PDE4D: variants seen among roughly 807,000 people sequenced by gnomAD.
PDE4D encodes the protein 3',5'-cyclic-AMP phosphodiesterase 4D.
Under a neutral mutation model 87.4 loss-of-function variants are expected in PDE4D, and 24 were observed. That is an observed-to-expected ratio of 0.27 (90% CI 0.20 to 0.39). PDE4D has a LOEUF of 0.39. Among genes scored for constraint, PDE4D ranks in the 10% least tolerant of loss-of-function variants. The pLI, the probability that PDE4D is intolerant of heterozygous loss-of-function variation, is 1.00. For missense variants in PDE4D, 714 were observed against 1,041.0 expected, an observed-to-expected ratio of 0.69 and a Z score of 4.32; for synonymous variants, 384 against 383.2, an observed-to-expected ratio of 1.00 and a Z score of -0.02.
At chr5:59,762,536 G>A (rs377444349) in intron 1 of PDE4D, among the ~76,000 whole-genome samples, 14 of 103,336 alleles carry the variant, frequency 1.4e-4, no homozygotes, top group African/African-American at 5.3e-4. Flanking sequence ...GGGTACACAT[G>A]TGTATATGTG....
At chr5:58,999,584 G>A in intron 6 of PDE4D, 1 of 1,195,380 alleles carries the variant, frequency 8.4e-7, no homozygotes, top group Non-Finnish European at 1.1e-6. Flanking sequence ...TATATAGTAA[G>A]CTCTAAAATG....
At chr5:60,430,282 C>T (rs202224252) in intron 1 of PDE4D, 90 of 487,796 alleles carry the variant, frequency 1.8e-4, no homozygotes, top group Middle Eastern at 1.7e-3. Context: ...GCCATTCTGC[C>T]GGGCCCAAGT....
intron 2 of PDE4D, among the ~76,000 whole-genome samples, chr5:60,120,091 G>A (rs1410499055): frequency 6.6e-6 from 1 of 152,112 alleles, no homozygotes; most frequent in Non-Finnish European, 1.5e-5. Flanking sequence ...ATCTTCTTAT[G>A]GAAAAAAGCA....
At chr5:60,166,367 T>A (rs777915875) in intron 2 of PDE4D, among the ~76,000 whole-genome samples, 2 of 152,218 alleles carry the variant, frequency 1.3e-5, no homozygotes, top group East Asian at 3.8e-4. Flanking sequence ...TTTAACAGGT[T>A]ATTTTAAGCT....
intron 1 of PDE4D, among the ~76,000 whole-genome samples, chr5:59,891,240 A>T (rs1264176341): frequency 6.6e-6 from 1 of 152,228 alleles, no homozygotes; most frequent in Non-Finnish European, 1.5e-5. Flanking sequence ...CCTCTATTCC[A>T]ATTAGCTTAT....
intron 2 of PDE4D, among the ~76,000 whole-genome samples, chr5:60,148,882 A>G (rs1781249674): frequency 6.6e-6 from 1 of 152,158 alleles, no homozygotes; most frequent in African/African-American, 2.4e-5. Context: ...GGGAAACTCA[A>G]ATGCTTATTT....
intron 1 of PDE4D, among the ~76,000 whole-genome samples, chr5:60,377,038 G>T (rs1364226265): frequency 6.6e-6 from 1 of 152,206 alleles, no homozygotes; most frequent in Non-Finnish European, 1.5e-5. Flanking sequence ...CAAGGACAGT[G>T]TCTATTTTGT....
chr5:60,215,446 T>C (rs1743754785), intron 1 of PDE4D, among the ~76,000 whole-genome samples: 1 of 152,142 alleles, frequency 6.6e-6, no homozygotes, highest in African/African-American at 2.4e-5. Context: ...TATATGAATC[T>C]ATCTCTTACC....
chr5:59,422,938 T>C (rs1038103046), intron 1 of PDE4D, among the ~76,000 whole-genome samples: 1 of 152,218 alleles, frequency 6.6e-6, no homozygotes, highest in African/African-American at 2.4e-5. Flanking sequence ...TTTCAATGTT[T>C]TAAAAACCTC....
intron 1 of PDE4D, among the ~76,000 whole-genome samples, chr5:59,798,638 C>A (rs896274734): frequency 5.9e-5 from 9 of 152,190 alleles, no homozygotes; most frequent in Non-Finnish European, 1.2e-4. Context: ...ATATAGAAAT[C>A]ACTGGGTAAC....
Position 58,991,857 on chromosome 5 carries a change from G to C in PDE4D, c.1163C>G (p.Thr388Ser), listed in dbSNP as rs1262205626. The C allele has an allele frequency of 6.5e-7, 1 of 1,546,486 alleles. No homozygotes were observed. The highest frequency in any genetic ancestry group is 2.0e-5 in the Admixed American group (1 of 50,506). The change falls in exon 8 of 15, where the codon ACT becomes AGT. Residue 388 changes from threonine (T) to serine (S), a missense_variant. Coordinates refer to ENST00000340635, the MANE Select transcript of PDE4D (RefSeq NM_001104631.2). ...NSSIPRFGVK[T>S]EQEDVLAKEL... is the part of the protein sequence containing the mutation. ...CTTGGCAAGGACATCTTCTTGTTCA[G>C]TTTTAACTCCAAACCTTGGGATACT...
chr5:59,802,093 A>G (rs1356856201), intron 1 of PDE4D, among the ~76,000 whole-genome samples: 1 of 152,186 alleles, frequency 6.6e-6, no homozygotes, highest in African/African-American at 2.4e-5. Flanking sequence ...GAAAAAAAGT[A>G]CTTAAGAAAC....
intron 2 of PDE4D, among the ~76,000 whole-genome samples, chr5:60,068,782 TG>T (rs1666524569): frequency 6.6e-6 from 1 of 152,044 alleles, no homozygotes; most frequent in African/African-American, 2.4e-5. Flanking sequence ...TTTAATTTTT[TG>T]TAGAGACAAG....
intron 9 of PDE4D, among the ~76,000 whole-genome samples, chr5:58,990,191 TTCTATGTCCCATTATCATGGA>T (rs1747559007): frequency 6.6e-6 from 1 of 152,114 alleles, no homozygotes; most frequent in African/African-American, 2.4e-5. Flanking sequence ...CTCTAAAAGT[TTCTATGTCCCATTATCATGGA>T]GGCAGCTCCA....
chr5:59,756,318 C>T (rs1418846505), intron 1 of PDE4D, among the ~76,000 whole-genome samples: 7 of 151,766 alleles, frequency 4.6e-5, no homozygotes, highest in Non-Finnish European at 1.0e-4. Flanking sequence ...TCAGTAATTT[C>T]CCAAGAATCA....
intron 1 of PDE4D, among the ~76,000 whole-genome samples, chr5:59,615,837 A>G (rs1829592869): frequency 6.6e-6 from 1 of 152,166 alleles, no homozygotes; most frequent in South Asian, 2.1e-4. Flanking sequence ...CCAAAAGAGG[A>G]CTATCTTACA....
chr5:60,073,344 C>A (rs2152897689), intron 2 of PDE4D, among the ~76,000 whole-genome samples: 1 of 152,128 alleles, frequency 6.6e-6, no homozygotes, highest in Admixed American at 6.5e-5. Flanking sequence ...CCAACCTTGC[C>A]TCCCATGGGT....
At chr5:60,048,656 T>C (rs2152876372) in intron 2 of PDE4D, among the ~76,000 whole-genome samples, 1 of 152,196 alleles carries the variant, frequency 6.6e-6, no homozygotes, top group South Asian at 2.1e-4. Flanking sequence ...AAATTCTGGG[T>C]TGAAAATTCT....
At chr5:59,556,111 A>G (rs1818867722) in intron 1 of PDE4D, among the ~76,000 whole-genome samples, 1 of 152,104 alleles carries the variant, frequency 6.6e-6, no homozygotes, top group African/African-American at 2.4e-5. Context: ...TAAGCTTTCT[A>G]CATAATATAG....
Sources: gnomAD v4.1 joint callset for allele counts (sites outside exome capture counted in the v4.1 genomes callset) on GRCh38, gnomAD v4.1.1 for gene constraint, MANE v1.5 for transcripts, NCBI Gene and HGNC (gene_info 2026-07-23, HGNC 2026-07-21) for gene names.